PRDM5: variants seen among roughly 807,000 people sequenced by gnomAD.
PRDM5 encodes the protein PR domain zinc finger protein 5.
Under a neutral mutation model 81.2 loss-of-function variants are expected in PRDM5, and 56 were observed. The observed-to-expected ratio is 0.69, with a 90% confidence interval of 0.56 to 0.86. The LOEUF (loss-of-function observed/expected upper bound fraction) is 0.86. PRDM5 is among the 40% of genes least tolerant of loss of function. The pLI, the probability that PRDM5 is intolerant of heterozygous loss-of-function variation, is 0.00. For synonymous variants in PRDM5, 267 were observed against 256.4 expected, an observed-to-expected ratio of 1.04 and a Z score of -0.39; for missense variants, 697 against 770.1, an observed-to-expected ratio of 0.91 and a Z score of 1.12.
chr4:120,878,723 A>C (rs1762560239), intron 2 of PRDM5, among the ~76,000 whole-genome samples: 1 of 152,246 alleles, frequency 6.6e-6, no homozygotes, highest in South Asian at 2.1e-4. Context: ...AAATGAGCAA[A>C]AAAAATCTAA....
intron 14 of PRDM5, among the ~76,000 whole-genome samples, chr4:120,748,736 C>T (rs549409804): frequency 1.3e-3 from 190 of 151,974 alleles, no homozygotes; most frequent in African/African-American, 4.1e-3. Context: ...ATGAATGGGA[C>T]AGGAAAAGGT....
chr4:120,706,137 G>A (rs1373767610), intron 15 of PRDM5, among the ~76,000 whole-genome samples: 1 of 150,862 alleles, frequency 6.6e-6, no homozygotes, highest in Non-Finnish European at 1.5e-5. Context: ...CCTCGCCCAA[G>A]ATGGCGTGCA....
intron 1 of PRDM5, among the ~76,000 whole-genome samples, chr4:120,907,984 G>A (rs769780403): frequency 7.9e-5 from 12 of 152,198 alleles, no homozygotes; most frequent in African/African-American, 1.9e-4. Context: ...CAAGAAGGAC[G>A]TGGGCTTGGC....
chr4:120,888,824 G>A (rs1236927681), intron 2 of PRDM5, among the ~76,000 whole-genome samples: 2 of 152,098 alleles, frequency 1.3e-5, no homozygotes, highest in Admixed American at 6.5e-5. Context: ...CTTTTGATTC[G>A]CATTTCCCAG....
chr4:120,695,917 C>A (rs11737569), intron 15 of PRDM5, among the ~76,000 whole-genome samples: 4 of 151,844 alleles, frequency 2.6e-5, no homozygotes, highest in African/African-American at 7.2e-5. Context: ...AAATCATATC[C>A]GTTGTGAAAT....
chr4:120,755,947 C>T lies in PRDM5; in HGVS notation c.1538-1309G>A, dbSNP rs1168901878. The stretch of plus-strand genomic sequence containing the variant: ...AAATGGTGACAAACACCCAAAGTAG[C>T]AATAAACTAAAAACAACAATCACAA... On this transcript the variant is annotated intron_variant, in intron 13 of 15. Transcript: ENST00000264808. 2.0e-5 allele frequency among the ~76,000 whole-genome samples: 3 copies of T among 152,172 alleles called. No individual in the cohort carries two copies. The East Asian group carries it at 5.8e-4, about 29-fold the overall frequency.
intron 2 of PRDM5, among the ~76,000 whole-genome samples, chr4:120,873,373 C>T (rs558377409): frequency 1.3e-5 from 2 of 152,254 alleles, no homozygotes; most frequent in African/African-American, 4.8e-5. Flanking sequence ...AGACAGTGGG[C>T]TCAAGATATG....
At chr4:120,900,038 T>C (rs1433608794) in intron 2 of PRDM5, among the ~76,000 whole-genome samples, 1 of 152,134 alleles carries the variant, frequency 6.6e-6, no homozygotes, top group Non-Finnish European at 1.5e-5. Flanking sequence ...TAAATAGCTA[T>C]AAAAGAAGGG....
chr4:120,804,473 A>G (rs1752617962), intron 8 of PRDM5, among the ~76,000 whole-genome samples: 1 of 152,228 alleles, frequency 6.6e-6, no homozygotes, highest in African/African-American at 2.4e-5. Flanking sequence ...CAGCAAATGT[A>G]AAAGAACAGA....
intron 11 of PRDM5, among the ~76,000 whole-genome samples, chr4:120,781,819 G>T (rs1749077302): frequency 6.6e-6 from 1 of 152,196 alleles, no homozygotes; most frequent in South Asian, 2.1e-4. Flanking sequence ...CTCCCATTCT[G>T]GGAGAGGGAA....
intron 14 of PRDM5, among the ~76,000 whole-genome samples, chr4:120,743,020 A>C (rs1408367959): frequency 6.6e-6 from 1 of 151,632 alleles, no homozygotes; most frequent in African/African-American, 2.4e-5. Context: ...TGTTAAGGGC[A>C]GCCAGAGAGA....
intron 14 of PRDM5, among the ~76,000 whole-genome samples, chr4:120,724,174 T>A (rs1005088860): frequency 4.6e-5 from 7 of 152,318 alleles, no homozygotes; most frequent in Non-Finnish European, 1.0e-4. Flanking sequence ...ATCAAGATAA[T>A]TCCCATGATT....
chr4:120,736,612 T>C lies in PRDM5; in HGVS notation c.1623+17941A>G, dbSNP rs17051236. 4.8e-3 allele frequency among the ~76,000 whole-genome samples: 733 copies of C among 152,288 alleles called. 6 individuals are homozygous for C. The highest frequency in any genetic ancestry group is 0.011 in the African/African-American group (475 of 41,562). ...CCTCTGTGCATCCCAGACGCCTCTTTTTTAGTACACCTTCTATTTTACTCC... is the reference window on the plus strand; with the variant it reads ...CCTCTGTGCATCCCAGACGCCTCTTCTTTAGTACACCTTCTATTTTACTCC... On this transcript the variant is annotated intron_variant, in intron 14 of 15. Coordinates refer to ENST00000264808, the MANE Select transcript of PRDM5 (RefSeq NM_018699.4).
chr4:120,817,641 T>A (rs1313146561), intron 5 of PRDM5, among the ~76,000 whole-genome samples: 2 of 152,174 alleles, frequency 1.3e-5, no homozygotes. Flanking sequence ...ATTACTTAAA[T>A]TCAATTATCT....
chr4:120,747,494 A>C (rs538511193), intron 14 of PRDM5, among the ~76,000 whole-genome samples: 1 of 152,228 alleles, frequency 6.6e-6, no homozygotes, highest in South Asian at 2.1e-4. Flanking sequence ...TAATTTTCAA[A>C]TCCTACATCA....
chr4:120,914,777 G>A (rs1041051719), intron 1 of PRDM5, among the ~76,000 whole-genome samples: 1 of 152,074 alleles, frequency 6.6e-6, no homozygotes, highest in Non-Finnish European at 1.5e-5. Context: ...GCCTATGAGT[G>A]GATAAAAGAA....
intron 13 of PRDM5, chr4:120,762,247 A>G (rs1745727820): frequency 6.6e-6 from 1 of 152,190 alleles, no homozygotes; most frequent in South Asian, 2.1e-4. Context: ...ATCCAAATTA[A>G]ATAATGTTTA....
intron 14 of PRDM5, among the ~76,000 whole-genome samples, chr4:120,726,410 A>T (rs533520082): frequency 2.2e-4 from 34 of 152,166 alleles, no homozygotes; most frequent in Non-Finnish European, 3.5e-4. Context: ...GTTTTGCTGT[A>T]ATTCTTTACA....
intron 2 of PRDM5, among the ~76,000 whole-genome samples, chr4:120,889,813 CAT>C (rs1327450439): frequency 6.6e-6 from 1 of 152,186 alleles, no homozygotes; most frequent in Non-Finnish European, 1.5e-5. Context: ...AGAAGTGACA[CAT>C]GTGGTATTTG....
Sources: allele counts gnomAD v4.1 joint callset (sites outside exome capture counted in the v4.1 genomes callset), GRCh38; gene constraint gnomAD v4.1.1; transcripts MANE v1.5; gene names NCBI Gene and HGNC (gene_info 2026-07-23, HGNC 2026-07-21).